The following FMN1 variants were observed in gnomAD, a reference collection of about 807,000 sequenced individuals.
FMN1 encodes formin 1, also known as formin-1.
Under a neutral mutation model 132.4 loss-of-function variants are expected in FMN1, and 110 were observed. That is an observed-to-expected ratio of 0.83 (90% CI 0.71 to 0.97). The LOEUF (loss-of-function observed/expected upper bound fraction) is 0.97, where lower values mean the gene tolerates loss of function less well. FMN1 is among the 50% of genes least tolerant of loss of function. FMN1 has a pLI of 0.00. For missense variants in FMN1, 1,792 were observed against 1,705.3 expected (o/e 1.05, Z -0.90); for synonymous variants, 722 against 651.7 (o/e 1.11, Z -1.64).
intron 19 of FMN1, among the ~76,000 whole-genome samples, chr15:32,785,046 C>T (rs1052928991): frequency 6.6e-6 from 1 of 151,102 alleles, no homozygotes; most frequent in East Asian, 1.9e-4. Context: ...ATCCTCGTTT[C>T]CTTTCTTTCC....
In FMN1 at chr15:32,769,937, G is replaced by C. The variant is rs1239616984; in HGVS notation, c.*4373C>G. On this transcript the variant is annotated 3_prime_UTR_variant, in exon 21 of 21. Transcript: ENST00000616417. ...TTTTTGTTTTTATTAGGACAGACAG[G>C]ATAAAAGAAAAATGAAGCTCAAATA... 2 of 152,090 alleles carry C rather than the reference G, an allele frequency of 1.3e-5. No homozygotes were observed. Among genetic ancestry groups the C allele is most frequent in the Non-Finnish European group, 2.9e-5 (2 of 68,016 alleles). The allele number at this position is 152,090 out of a possible 1,614,324, so 9.4% of individuals were successfully genotyped here.
chr15:33,037,975 T>C (rs935895858), intron 6 of FMN1, among the ~76,000 whole-genome samples: 2 of 152,216 alleles, frequency 1.3e-5, no homozygotes, highest in Admixed American at 1.3e-4. Context: ...CCTATAACCA[T>C]ACCTTGGGAG....
chr15:32,829,907 A>G (rs2141151997), intron 17 of FMN1, among the ~76,000 whole-genome samples: 1 of 152,336 alleles, frequency 6.6e-6, no homozygotes, highest in East Asian at 1.9e-4. Flanking sequence ...GAGGGGGGAC[A>G]CATTTCTCCC....
At chr15:32,895,983 C>T (rs748591403) in intron 15 of FMN1, among the ~76,000 whole-genome samples, 12 of 152,072 alleles carry the variant, frequency 7.9e-5, no homozygotes, top group Non-Finnish European at 1.5e-4. Context: ...AAACTATTTA[C>T]CTACACTTTT....
chr15:33,049,015 T>C (rs1352130050), intron 6 of FMN1, among the ~76,000 whole-genome samples: 1 of 152,202 alleles, frequency 6.6e-6, no homozygotes, highest in African/African-American at 2.4e-5. Context: ...ATTTAGACGG[T>C]TAAAGGATTG....
chr15:32,816,710 A>G (rs1003950909), intron 17 of FMN1, among the ~76,000 whole-genome samples: 1 of 151,598 alleles, frequency 6.6e-6, no homozygotes, highest in Non-Finnish European at 1.5e-5. Context: ...TAAAACTGTC[A>G]TATTACTACA....
intron 16 of FMN1, among the ~76,000 whole-genome samples, chr15:32,858,862 C>T (rs1376080114): frequency 6.6e-6 from 1 of 152,212 alleles, no homozygotes. Flanking sequence ...GATTACCCTT[C>T]ACCTCTTTTG....
chr15:33,099,455 C>T (rs2039210955), intron 4 of FMN1, among the ~76,000 whole-genome samples: 1 of 152,102 alleles, frequency 6.6e-6, no homozygotes, highest in East Asian at 1.9e-4. Flanking sequence ...TCACCATGCT[C>T]AATTAGAATA....
intron 6 of FMN1, among the ~76,000 whole-genome samples, chr15:33,027,205 A>G (rs2035718356): frequency 6.6e-6 from 1 of 152,198 alleles, no homozygotes; most frequent in Non-Finnish European, 1.5e-5. Flanking sequence ...CTTCTAGTCC[A>G]GAAGCCTAGC....
intron 9 of FMN1, among the ~76,000 whole-genome samples, chr15:32,950,034 C>CACATATATATATACACATATATATAT (rs2061608502): frequency 4.4e-4 from 2 of 4,538 alleles, no homozygotes; most frequent in East Asian, 6.3e-3. Flanking sequence ...TATATATATA[C>CACATATATATATACACATATATATAT]ACATATATAT....
At chr15:32,840,862 TG>T (rs1295192411) in intron 17 of FMN1, among the ~76,000 whole-genome samples, 1 of 152,178 alleles carries the variant, frequency 6.6e-6, no homozygotes, top group East Asian at 1.9e-4. Context: ...TTCTAAACAG[TG>T]GGAGAATCGT....
chr15:33,096,553 T>C (rs1047222829), intron 4 of FMN1, among the ~76,000 whole-genome samples: 14 of 152,034 alleles, frequency 9.2e-5, no homozygotes, highest in African/African-American at 3.1e-4. Context: ...GAAGGAGTCC[T>C]GTACTTTACT....
chr15:32,857,215 G>A (rs2059154186), intron 16 of FMN1, 108 bp from the exon 17 acceptor site: 1 of 797,946 alleles, frequency 1.3e-6, no homozygotes, highest in South Asian at 1.6e-5. Flanking sequence ...CACACTCCTT[G>A]TCAACCACTG....
At chr15:33,094,506 T>C (rs1452157959) in intron 4 of FMN1, among the ~76,000 whole-genome samples, 1 of 152,148 alleles carries the variant, frequency 6.6e-6, no homozygotes, top group Non-Finnish European at 1.5e-5. Context: ...AATCTGTTCA[T>C]GTTCCAAAAA....
At chr15:32,964,016 T>TATAC (rs1555505892) in intron 9 of FMN1, 91 bp downstream of exon 9, 15,452 of 507,512 alleles carry the variant, frequency 0.03, 140 homozygotes, top group African/African-American at 0.043. Flanking sequence ...GTATATACGA[T>TATAC]ACACACACAC....
At chr15:32,838,166 A>T (rs565047988) in intron 17 of FMN1, among the ~76,000 whole-genome samples, 3 of 152,280 alleles carry the variant, frequency 2.0e-5, no homozygotes, top group Admixed American at 6.5e-5. Context: ...GAGTCACAAG[A>T]AACTGAAAAC....
At position 32,862,054 on chromosome 15, in the gene FMN1, C is replaced by T. The variant is rs571825178; in HGVS notation, c.3836-4947G>A. Among the ~76,000 whole-genome samples the T allele has an allele frequency of 1.8e-3, 275 of 152,268 alleles. 2 individuals carry two copies. The highest frequency in any genetic ancestry group is 6.5e-3 in the African/African-American group (270 of 41,548). ...CCCTCCGACGGTCCCCACAGAGCCA[C>T]GCGCCCCGGAGGCCAGGCAGCTTGC... On this transcript the variant is annotated intron_variant, in intron 16 of 20. Transcript: ENST00000616417.
chr15:33,100,068 T>C (rs567957497), intron 4 of FMN1, among the ~76,000 whole-genome samples: 12 of 152,300 alleles, frequency 7.9e-5, no homozygotes, highest in African/African-American at 2.2e-4. Context: ...AACTTAGCCA[T>C]CATTCCACTC....
intron 4 of FMN1, among the ~76,000 whole-genome samples, chr15:33,100,144 G>C (rs1179179898): frequency 6.9e-6 from 1 of 144,706 alleles, no homozygotes; most frequent in Non-Finnish European, 1.5e-5. Flanking sequence ...CATTTATTTA[G>C]TTTTAGTGCC....
Sources: allele counts gnomAD v4.1 joint callset (sites outside exome capture counted in the v4.1 genomes callset), GRCh38; gene constraint gnomAD v4.1.1; transcripts MANE v1.5; gene names NCBI Gene and HGNC (gene_info 2026-07-23, HGNC 2026-07-21).